The following KIFAP3 variants were observed in gnomAD, a reference collection of about 807,000 sequenced individuals.
KIFAP3 encodes kinesin associated protein 3.
KIFAP3 carries 68 observed loss-of-function variants against 106.5 expected under a neutral mutation model. The observed-to-expected ratio is 0.64, with a 90% confidence interval of 0.53 to 0.78. The LOEUF is 0.78. KIFAP3 is among the 30% of genes least tolerant of loss of function. KIFAP3 has a pLI of 0.00. For synonymous variants in KIFAP3, 320 were observed against 311.5 expected (o/e 1.03, Z -0.29); for missense variants, 780 against 941.8 (o/e 0.83, Z 2.25).
intron 6 of KIFAP3, among the ~76,000 whole-genome samples, chr1:170,034,938 T>C (rs1298454480): frequency 2.0e-5 from 3 of 151,978 alleles, no homozygotes; most frequent in African/African-American, 4.8e-5. Context: ...ATTCAATAAA[T>C]ATTTATTTGC....
intron 1 of KIFAP3, among the ~76,000 whole-genome samples, chr1:170,059,450 A>G (rs1671018969): frequency 6.6e-6 from 1 of 152,212 alleles, no homozygotes; most frequent in South Asian, 2.1e-4. Flanking sequence ...CACCCTCCCA[A>G]GACTAAACCA....
Position 170,046,826 on chromosome 1 carries a change from A to G in KIFAP3, c.205T>C (p.Ser69Pro), listed in dbSNP as rs763881822. 2 of 1,610,384 alleles carry G rather than the reference A, an allele frequency of 1.2e-6. No homozygotes were observed. The highest frequency in any genetic ancestry group is 1.7e-6 in the Non-Finnish European group (2 of 1,178,174). ...KSLNANTDIT[S>P]LARKVVEECK... ...TCTTCAACCACCTTCCTTGCCAGGG[A>G]AGTTATATCTGTGTTGGCATTGAGA... Residue 69 changes from serine to proline, a missense_variant, in exon 3 of 20, where the codon TCC becomes CCC. Transcript: ENST00000361580.
chr1:170,063,996 G>A (rs890816492), intron 1 of KIFAP3, among the ~76,000 whole-genome samples: 1 of 152,102 alleles, frequency 6.6e-6, no homozygotes, highest in Non-Finnish European at 1.5e-5. Context: ...TTATTCCCAA[G>A]TACCTTATAT....
intron 1 of KIFAP3, chr1:170,068,472 G>A (rs1671552793): frequency 6.6e-6 from 1 of 151,880 alleles, no homozygotes; most frequent in Non-Finnish European, 1.5e-5. Context: ...TGAGCAGAGA[G>A]AGAAAAGAAT....
chr1:169,968,901 T>C (rs1012872264), intron 17 of KIFAP3, among the ~76,000 whole-genome samples: 2 of 151,844 alleles, frequency 1.3e-5, no homozygotes, highest in African/African-American at 4.8e-5. Flanking sequence ...TGTGTGTATA[T>C]GCTTAAATTC....
intron 5 of KIFAP3, among the ~76,000 whole-genome samples, chr1:170,036,705 T>C (rs1053740089): frequency 6.6e-6 from 1 of 152,142 alleles, no homozygotes; most frequent in Non-Finnish European, 1.5e-5. Context: ...TACTAGCCTA[T>C]ACAGAACTGT....
chr1:169,924,296 T>C (rs1242116070), intron 19 of KIFAP3, among the ~76,000 whole-genome samples: 1 of 152,204 alleles, frequency 6.6e-6, no homozygotes, highest in Non-Finnish European at 1.5e-5. Flanking sequence ...GATCTATTTA[T>C]GTAGTCAGCA....
intron 9 of KIFAP3, among the ~76,000 whole-genome samples, chr1:170,023,019 T>C (rs911364106): frequency 2.0e-5 from 3 of 152,092 alleles, no homozygotes; most frequent in African/African-American, 7.2e-5. Context: ...CCTTAACTTA[T>C]AGCAAGGGGA....
chr1:169,943,429 T>C (rs1200259765), intron 19 of KIFAP3, among the ~76,000 whole-genome samples: 1 of 152,094 alleles, frequency 6.6e-6, no homozygotes, highest in African/African-American at 2.4e-5. Context: ...AATTAGAAAA[T>C]ATCCCTGAGT....
At position 169,989,038 on chromosome 1, in the gene KIFAP3, G is replaced by A. The variant is rs76518719; in HGVS notation, c.1284+3117C>T. 5.4e-3 allele frequency among the ~76,000 whole-genome samples: 828 copies of A among 152,056 alleles called. 5 individuals carry two copies. The highest frequency in any genetic ancestry group is 9.0e-3 in the Non-Finnish European group (608 of 67,896). On this transcript the variant is annotated intron_variant, in intron 11 of 19. Coordinates refer to ENST00000361580, the MANE Select transcript of KIFAP3 (RefSeq NM_014970.4). Reference sequence around the variant, plus strand: ...TGTTCACAAAATACAGATTACACATGTTCTGAAAACTTCATTGCATACATG... The same window carrying A: ...TGTTCACAAAATACAGATTACACATATTCTGAAAACTTCATTGCATACATG...
intron 18 of KIFAP3, 24 bp from the exon 19 acceptor site, chr1:169,954,134 C>CG: frequency 1.4e-6 from 2 of 1,411,680 alleles, no homozygotes; most frequent in Admixed American, 3.4e-5. Context: ...AAAATGGTAA[C>CG]CAGTAAAACA....
intron 7 of KIFAP3, among the ~76,000 whole-genome samples, chr1:170,032,488 GAACT>G (rs925881435): frequency 6.6e-6 from 1 of 151,642 alleles, no homozygotes; most frequent in Non-Finnish European, 1.5e-5. Context: ...TGCCAAGAAA[GAACT>G]AACCCAAACT....
In KIFAP3 at chr1:169,936,288, T is replaced by C. The variant is rs184466508; in HGVS notation, c.2274-14507A>G. Among the ~76,000 whole-genome samples, 407 of 151,918 alleles carry C rather than the reference T, an allele frequency of 2.7e-3. 2 individuals are homozygous for C. The highest frequency in any genetic ancestry group is 9.0e-3 in the African/African-American group (374 of 41,534). ...ACTTTCACCCATGAGATGGGAGTCA[T>C]AGAAAATCAACATTTATATAAAGCT... On this transcript the variant is annotated intron_variant, in intron 19 of 19. Coordinates refer to ENST00000361580, the MANE Select transcript of KIFAP3 (RefSeq NM_014970.4).
At chr1:169,978,652 TATC>T (rs879819258) in intron 15 of KIFAP3, among the ~76,000 whole-genome samples, 4 of 152,126 alleles carry the variant, frequency 2.6e-5, no homozygotes, top group Admixed American at 2.0e-4. Context: ...AAACCTTTAA[TATC>T]ATACAAAGTA....
At chr1:169,944,476 C>A (rs1467969037) in intron 19 of KIFAP3, among the ~76,000 whole-genome samples, 2 of 152,130 alleles carry the variant, frequency 1.3e-5, no homozygotes, top group East Asian at 3.9e-4. Context: ...CTTGGAAGAG[C>A]CACAGCTCTT....
At chr1:170,039,047 AAGC>A (rs1669833756) in intron 4 of KIFAP3, among the ~76,000 whole-genome samples, 183 bp downstream of exon 4, 1 of 152,164 alleles carries the variant, frequency 6.6e-6, no homozygotes, top group African/African-American at 2.4e-5. Context: ...AGAGCAAAAA[AAGC>A]AGAACCAATA....
intron 7 of KIFAP3, 23 bp downstream of exon 7, chr1:170,034,349 C>G: frequency 1.3e-6 from 2 of 1,595,764 alleles, no homozygotes; most frequent in Non-Finnish European, 1.7e-6. Flanking sequence ...ACAGACGGTT[C>G]AAATGCCACT....
chr1:169,961,436 A>G (rs1051216755), intron 17 of KIFAP3, among the ~76,000 whole-genome samples: 2 of 152,156 alleles, frequency 1.3e-5, no homozygotes, highest in Admixed American at 1.3e-4. Flanking sequence ...TGTATTATCG[A>G]TCACTAATGG....
rs780300452 is a variant in KIFAP3 at position 169,954,078 on chromosome 1, G to A, written c.2206C>T (p.Pro736Ser). The A allele has an allele frequency of 1.9e-6, 3 of 1,612,628 alleles. No homozygotes were observed. Among genetic ancestry groups the A allele is most frequent in the Admixed American group, 1.7e-5 (1 of 59,966 alleles). Reference protein sequence around the residue: ...GLIASEGAISPDFFNDYHLQN... With the variant: ...GLIASEGAISSDFFNDYHLQN... ...AGGTGGTAATCATTGAAGAAATCGG[G>A]ACTTATGGCTCCTTCAGAGGCAATT... is the stretch of plus-strand genomic sequence containing the variant. The change falls in exon 19 of 20, where the codon CCC (proline) becomes TCC (serine). Residue 736 changes from proline (P) to serine (S), a missense_variant. By Grantham distance (74) the Pro-to-Ser change is moderately conservative. Coordinates refer to ENST00000361580, the MANE Select transcript of KIFAP3 (RefSeq NM_014970.4).
Sources: gnomAD v4.1 joint callset for allele counts (sites outside exome capture counted in the v4.1 genomes callset) on GRCh38, gnomAD v4.1.1 for gene constraint, MANE v1.5 for transcripts, NCBI Gene and HGNC (gene_info 2026-07-23, HGNC 2026-07-21) for gene names.